The following CREBBP variants were observed in gnomAD, a reference collection of about 807,000 sequenced individuals.
CREBBP encodes the protein CREB binding lysine acetyltransferase.
A neutral mutation model predicts 265.0 loss-of-function variants in CREBBP; 19 were observed. The ratio of observed to expected loss-of-function variants is 0.07; its 90% CI spans 0.05 to 0.11. The LOEUF (loss-of-function observed/expected upper bound fraction) is 0.11. CREBBP is among the 10% of genes least tolerant of loss of function. The pLI, the probability that CREBBP is intolerant of heterozygous loss-of-function variation, is 1.00. For missense variants in CREBBP, 2,525 were observed against 3,219.0 expected, an observed-to-expected ratio of 0.78 and a Z score of 5.22; for synonymous variants, 1,457 against 1,223.7, an observed-to-expected ratio of 1.19 and a Z score of -3.98.
chr16:3,862,016 A>ACT (rs1737161137), intron 1 of CREBBP, among the ~76,000 whole-genome samples: 1 of 152,160 alleles, frequency 6.6e-6, no homozygotes, highest in African/African-American at 2.4e-5. Flanking sequence ...GAAGCGAGTC[A>ACT]CTGCTCAGGG....
rs1171889477 is a variant in CREBBP, at chr16:3,727,891, C to T, written c.7156G>A (p.Gly2386Arg). The T allele has an allele frequency of 6.8e-6, 11 of 1,613,024 alleles. No homozygotes were observed. The highest frequency in any genetic ancestry group is 8.5e-6 in the Non-Finnish European group (10 of 1,179,372). ...GAGCTGGCCATGGTGACTGCGAGTCCGGGGTGGGGGGAACCAGTCTGGGGT... is the reference window on the plus strand; with the variant it reads ...GAGCTGGCCATGGTGACTGCGAGTCTGGGGTGGGGGGAACCAGTCTGGGGT... ...VSPQTGSPHP[G>R]LAVTMASSID... Residue 2386 changes from glycine to arginine, a missense_variant, in exon 31 of 31, where the codon GGA becomes AGA. Transcript: ENST00000262367.
Position 3,740,192 on chromosome 16 carries a change from G to A in CREBBP, c.4133+207C>T, listed in dbSNP as rs568877800. 7.5e-4 allele frequency among the ~76,000 whole-genome samples: 114 copies of A among 152,278 alleles called. 1 individual carries two copies. Among genetic ancestry groups the A allele is most frequent in the African/African-American group, 1.6e-3 (66 of 41,550 alleles). On this transcript the variant is annotated intron_variant, in intron 24 of 30. Transcript: ENST00000262367. ...ACAGTATACTATAATATGGTATGTGGTCTCTCTCTCAAAATAGCTTACTGC... is the reference window on the plus strand; with the variant it reads ...ACAGTATACTATAATATGGTATGTGATCTCTCTCTCAAAATAGCTTACTGC...
chr16:3,878,306 T>C (rs2055445286), intron 1 of CREBBP, among the ~76,000 whole-genome samples: 1 of 152,234 alleles, frequency 6.6e-6, no homozygotes, highest in African/African-American at 2.4e-5. Context: ...AACTACTGTT[T>C]CCAAATTTCT....
At chr16:3,762,459 C>T (rs944091312) in intron 16 of CREBBP, among the ~76,000 whole-genome samples, 4 of 142,858 alleles carry the variant, frequency 2.8e-5, no homozygotes, top group Admixed American at 2.2e-4. Context: ...GGATTACAGG[C>T]GTGAGCCACG....
At chr16:3,780,933 T>C (rs1596916590) in intron 7 of CREBBP, 55 bp from the exon 8 acceptor site, 13 of 1,602,468 alleles carry the variant, frequency 8.1e-6, no homozygotes, top group Middle Eastern at 2.1e-4. Flanking sequence ...CAAACACACT[T>C]TGTCTAGTAA....
chr16:3,770,511 A>T (rs1301333488), intron 14 of CREBBP, 59 bp downstream of exon 14: 1 of 1,586,524 alleles, frequency 6.3e-7, no homozygotes, highest in Non-Finnish European at 8.6e-7. Context: ...CACAATTTTT[A>T]TGGGAAAATT....
intron 3 of CREBBP, among the ~76,000 whole-genome samples, chr16:3,808,273 T>C (rs917285318): frequency 2.0e-5 from 3 of 152,188 alleles, no homozygotes; most frequent in Non-Finnish European, 4.4e-5. Flanking sequence ...TTCTCCTAAT[T>C]ACTCTCCAGT....
intron 5 of CREBBP, among the ~76,000 whole-genome samples, chr16:3,783,962 C>T (rs1053366511): frequency 1.3e-5 from 2 of 152,168 alleles, no homozygotes; most frequent in Non-Finnish European, 2.9e-5. Flanking sequence ...CCTCATCTGT[C>T]GCAACAACCC....
chr16:3,855,466 C>T (rs1431384692), intron 1 of CREBBP, among the ~76,000 whole-genome samples: 2 of 152,106 alleles, frequency 1.3e-5, no homozygotes, highest in Admixed American at 6.5e-5. Context: ...GGTTTCGCCA[C>T]GTTGGCCAGG....
chr16:3,839,339 T>A (rs1195144468), intron 2 of CREBBP, among the ~76,000 whole-genome samples: 2 of 152,142 alleles, frequency 1.3e-5, no homozygotes, highest in East Asian at 3.9e-4. Flanking sequence ...TGCGTGTCAA[T>A]CCATTTAATA....
rs2052479032 is a variant in CREBBP at position 3,751,731 on chromosome 16, G to C, written c.3774C>G (p.Pro1258=). 2 of 1,613,960 alleles carry C rather than the reference G, an allele frequency of 1.2e-6. No homozygotes were observed. Among genetic ancestry groups the C allele is most frequent in the Admixed American group, 1.7e-5 (1 of 59,992 alleles). Residue 1258 remains proline (P), a synonymous_variant, in exon 20 of 31, where the codon CCC becomes CCG. Transcript: ENST00000262367. ...NVTLGDDPSQ[P]QTTISKDQFE... is the part of the protein sequence containing the mutation. ...AATGACAGGACGGTACTTACGTCTG[G>C]GGCTGTGAAGGGTCGTCACCCAGGG...
intron 2 of CREBBP, chr16:3,840,751 CAG>C (rs1425527622): frequency 6.4e-6 from 1 of 155,078 alleles, no homozygotes; most frequent in African/African-American, 2.4e-5. Context: ...TCAGGGAAAT[CAG>C]AGATGACTTG....
intron 16 of CREBBP, among the ~76,000 whole-genome samples, chr16:3,759,949 G>A (rs1421549431): frequency 2.0e-5 from 3 of 152,094 alleles, no homozygotes; most frequent in Admixed American, 6.5e-5. Context: ...GTGGGAGGCC[G>A]GCCAGTCAGC....
intron 1 of CREBBP, among the ~76,000 whole-genome samples, chr16:3,856,157 G>A (rs1429414644): frequency 6.6e-6 from 1 of 152,050 alleles, no homozygotes; most frequent in Non-Finnish European, 1.5e-5. Flanking sequence ...TTAGAGATAG[G>A]GTCTTGCTCT....
chr16:3,858,462 C>T (rs536879807), intron 1 of CREBBP, among the ~76,000 whole-genome samples: 8 of 152,276 alleles, frequency 5.3e-5, no homozygotes, highest in East Asian at 1.9e-4. Context: ...AGACACAATG[C>T]GTTAAAATTA....
At chr16:3,773,672 G>A (rs2141213549) in intron 13 of CREBBP, 79 bp downstream of exon 13, 1 of 1,448,556 alleles carries the variant, frequency 6.9e-7, no homozygotes, top group Non-Finnish European at 9.5e-7. Context: ...TTCCACGAAG[G>A]AAGACAGAAA....
At chr16:3,754,686 G>C (rs1488784275) in intron 19 of CREBBP, among the ~76,000 whole-genome samples, 1 of 152,018 alleles carries the variant, frequency 6.6e-6, no homozygotes, top group Non-Finnish European at 1.5e-5. Flanking sequence ...ATACTAACTG[G>C]GAAAGCTAAA....
In CREBBP at chr16:3,778,312, A is replaced by G; in HGVS notation, c.1942-130T>C. 6.8e-6 allele frequency: 5 copies of G among 738,856 alleles called. No individual in the cohort carries two copies. In the South Asian group the frequency reaches 8.1e-5, roughly 12 times the overall value. The allele number at this position is 738,856 out of a possible 1,614,324, so 45.8% of individuals were successfully genotyped here. A position where few individuals can be genotyped will look rare whatever the true frequency, so the allele number is the denominator to read the frequency against. On this transcript the variant is annotated intron_variant, in intron 9 of 30. Coordinates refer to ENST00000262367, the MANE Select transcript of CREBBP (RefSeq NM_004380.3). ...GGCAAAAGTAGTATGCAAATACCTG[A>G]TACACCAGAAGCCCACATTCTTGCT...
At chr16:3,841,909 A>C (rs1468907247) in intron 2 of CREBBP, among the ~76,000 whole-genome samples, 1 of 152,150 alleles carries the variant, frequency 6.6e-6, no homozygotes, top group Non-Finnish European at 1.5e-5. Flanking sequence ...ATCTGTCTTG[A>C]CAAGCCTGCA....
Sources: allele counts gnomAD v4.1 joint callset (sites outside exome capture counted in the v4.1 genomes callset), GRCh38; gene constraint gnomAD v4.1.1; transcripts MANE v1.5; gene names NCBI Gene and HGNC (gene_info 2026-07-23, HGNC 2026-07-21).